Variants in ANKRD55 observed in about 807,000 individuals in gnomAD.
ANKRD55 encodes ankyrin repeat domain-containing protein 55.
ANKRD55 carries 41 observed loss-of-function variants against 60.6 expected under a neutral mutation model. That is an observed-to-expected ratio of 0.68 (90% CI 0.53 to 0.88). The LOEUF (loss-of-function observed/expected upper bound fraction) is 0.88, where lower values mean the gene tolerates loss of function less well. Among genes scored for constraint, ANKRD55 ranks in the 40% least tolerant of loss-of-function variants. The probability of loss-of-function intolerance (pLI) is 0.00; values close to 1 mark genes in which losing one functional copy is unlikely to be tolerated. For synonymous variants in ANKRD55, 264 were observed against 290.3 expected, an observed-to-expected ratio of 0.91 and a Z score of 0.92; for missense variants, 732 against 767.6, an observed-to-expected ratio of 0.95 and a Z score of 0.55.
chr5:56,203,635 T>G (rs1204546037), intron 2 of ANKRD55, among the ~76,000 whole-genome samples: 1 of 152,198 alleles, frequency 6.6e-6, no homozygotes, highest in Non-Finnish European at 1.5e-5. Flanking sequence ...GGTTTCCAGC[T>G]TCATCCATGT....
chr5:56,144,257 A>C (rs1449485171), intron 6 of ANKRD55, among the ~76,000 whole-genome samples: 1 of 152,212 alleles, frequency 6.6e-6, no homozygotes, highest in Non-Finnish European at 1.5e-5. Context: ...AATACTATGA[A>C]GAATGCACGT....
chr5:56,143,212 T>C (rs986790847), intron 7 of ANKRD55, among the ~76,000 whole-genome samples: 1 of 152,192 alleles, frequency 6.6e-6, no homozygotes, highest in African/African-American at 2.4e-5. Flanking sequence ...AGTTAATCAT[T>C]CCCCTTGAAA....
chr5:56,150,292 G>T (rs1758008099), intron 6 of ANKRD55, among the ~76,000 whole-genome samples: 1 of 152,134 alleles, frequency 6.6e-6, no homozygotes, highest in African/African-American at 2.4e-5. Flanking sequence ...ATCACTACAT[G>T]TCTCACTACT....
rs73130452 is a variant in ANKRD55, at chr5:56,193,476, T to A, written c.59-9842A>T. On this transcript the variant is annotated intron_variant, in intron 2 of 11. Coordinates refer to ENST00000341048, the MANE Select transcript of ANKRD55 (RefSeq NM_024669.3). ...CCGATCTTGCAGTTTCTTTTCACTATGTTGATTTTACAACTGTGTATGTGT... is the reference window on the plus strand; with the variant it reads ...CCGATCTTGCAGTTTCTTTTCACTAAGTTGATTTTACAACTGTGTATGTGT... 3,144 of 492,316 alleles carry A rather than the reference T, an allele frequency of 6.4e-3. 96 individuals are homozygous for A. Among genetic ancestry groups the A allele is most frequent in the African/African-American group, 0.056 (2,799 of 49,942 alleles). The allele number at this position is 492,316 out of a possible 1,614,324, so 30.5% of individuals were successfully genotyped here.
At chr5:56,105,751 G>T (rs1447408385) in intron 10 of ANKRD55, among the ~76,000 whole-genome samples, 1 of 152,158 alleles carries the variant, frequency 6.6e-6, no homozygotes, top group African/African-American at 2.4e-5. Context: ...GATGCAAAAC[G>T]TTTGATGGGT....
intron 2 of ANKRD55, among the ~76,000 whole-genome samples, chr5:56,220,836 A>G (rs1759942202): frequency 6.6e-6 from 1 of 152,048 alleles, no homozygotes; most frequent in Admixed American, 6.6e-5. Flanking sequence ...AAACAAAACA[A>G]AAAAACACTG....
chr5:56,161,598 A>G (rs748526829), intron 5 of ANKRD55, among the ~76,000 whole-genome samples: 33 of 152,358 alleles, frequency 2.2e-4, no homozygotes, highest in Non-Finnish European at 4.3e-4. Flanking sequence ...GAGGTGAAAT[A>G]ACCAGGAAGC....
intron 2 of ANKRD55, among the ~76,000 whole-genome samples, chr5:56,225,502 A>G (rs1333139436): frequency 3.9e-5 from 6 of 152,186 alleles, no homozygotes; most frequent in African/African-American, 1.4e-4. Flanking sequence ...GGCAGGAGAA[A>G]TAAATAAAGA....
chr5:56,137,394 A>G (rs1757635656), intron 7 of ANKRD55: 7 of 984,942 alleles, frequency 7.1e-6, no homozygotes, highest in South Asian at 6.3e-5. Flanking sequence ...TAACCCATAC[A>G]TGAGCTCTCC....
chr5:56,220,861 G>T (rs1313917534), intron 2 of ANKRD55, among the ~76,000 whole-genome samples: 1 of 152,078 alleles, frequency 6.6e-6, no homozygotes, highest in Admixed American at 6.6e-5. Context: ...AAACATGCTT[G>T]CCTAGACTTG....
chr5:56,128,108 A>G (rs934407164), intron 7 of ANKRD55, among the ~76,000 whole-genome samples: 60 of 152,232 alleles, frequency 3.9e-4, no homozygotes, highest in African/African-American at 1.2e-3. Context: ...TACATTTTAG[A>G]TAGTCAAGAG....
intron 8 of ANKRD55, among the ~76,000 whole-genome samples, chr5:56,125,148 G>A (rs1757204452): frequency 1.3e-5 from 2 of 152,140 alleles, no homozygotes; most frequent in East Asian, 1.9e-4. Flanking sequence ...CCCTCAGCCT[G>A]CCTTTCTGAA....
rs558918929 is a variant in ANKRD55, at chr5:56,209,677, G to A, written c.58+23179C>T. Among the ~76,000 whole-genome samples, 8 of 152,154 alleles carry A rather than the reference G, an allele frequency of 5.3e-5. No homozygotes were observed. The South Asian group carries it at 1.5e-3, about 28-fold the overall frequency. On this transcript the variant is annotated intron_variant, in intron 2 of 11. Coordinates refer to ENST00000341048, the MANE Select transcript of ANKRD55 (RefSeq NM_024669.3). ...AGACGCAGTTTCACTGTGTTAGCCA[G>A]GATGGTCTCGATCTCCTGACCTCGT...
chr5:56,101,439 A>C (rs1415132109), intron 11 of ANKRD55, among the ~76,000 whole-genome samples: 1 of 152,050 alleles, frequency 6.6e-6, no homozygotes, highest in Non-Finnish European at 1.5e-5. Context: ...AGTGGGGTGC[A>C]ATTGGAAGAA....
intron 2 of ANKRD55, among the ~76,000 whole-genome samples, chr5:56,191,318 TAA>T (rs1759088758): frequency 6.6e-6 from 1 of 152,200 alleles, no homozygotes; most frequent in South Asian, 2.1e-4. Flanking sequence ...TTAATAATAT[TAA>T]GTTTTCTAAT....
intron 2 of ANKRD55, among the ~76,000 whole-genome samples, chr5:56,217,556 A>T (rs963221978): frequency 2.2e-4 from 28 of 124,560 alleles, no homozygotes; most frequent in African/African-American, 1.1e-3. Context: ...CAGAGAAAAT[A>T]AAAAAAAATA....
rs752432307 is a variant in ANKRD55 at position 56,143,812 on chromosome 5, A to G, written c.601T>C (p.Trp201Arg). 1.9e-6 allele frequency: 3 copies of G among 1,614,194 alleles called. No homozygotes were observed. Among genetic ancestry groups the G allele is most frequent in the East Asian group, 2.2e-5 (1 of 44,888 alleles). The change falls in exon 7 of 12, where the codon TGG (tryptophan) becomes CGG (arginine). Residue 201 changes from tryptophan to arginine, a missense_variant. Physicochemically the swap from Trp to Arg is moderately radical, Grantham distance 101 (BLOSUM62 -3). Coordinates refer to ENST00000341048, the MANE Select transcript of ANKRD55 (RefSeq NM_024669.3). ...VDKDFKTALH[W>R]AVQSGNRILC... ...GGTCAATTTCTCACCTGGACTGCCC[A>G]GTGGAGAGCGGTTTTAAAGTCTTTA...
chr5:56,226,295 C>T (rs540416018), intron 2 of ANKRD55, among the ~76,000 whole-genome samples: 63 of 152,302 alleles, frequency 4.1e-4, no homozygotes, highest in African/African-American at 1.3e-3. Context: ...AAAGCTGACA[C>T]TGGATCCCTT....
At chr5:56,168,141 T>C (rs758765991) in intron 5 of ANKRD55, among the ~76,000 whole-genome samples, 3 of 152,334 alleles carry the variant, frequency 2.0e-5, no homozygotes, top group Non-Finnish European at 4.4e-5. Flanking sequence ...CTAGTCCTTA[T>C]TGATGGAATA....
Sources: gnomAD v4.1 joint callset for allele counts (sites outside exome capture counted in the v4.1 genomes callset) on GRCh38, gnomAD v4.1.1 for gene constraint, MANE v1.5 for transcripts, NCBI Gene and HGNC (gene_info 2026-07-23, HGNC 2026-07-21) for gene names.